Variants in TREML1 observed in about 807,000 individuals in gnomAD.
The protein encoded by TREML1 is triggering receptor expressed on myeloid cells like 1, also known as trem-like transcript 1 protein.
In TREML1, 27 loss-of-function variants were observed where a neutral mutation model predicts 22.8. The ratio of observed to expected loss-of-function variants is 1.19; its 90% CI spans 0.87 to 1.64. TREML1 has a LOEUF of 1.64. Among genes scored for constraint, TREML1 ranks in the 40% most tolerant of loss-of-function variants. TREML1 has a pLI of 0.00. For missense variants in TREML1, 356 were observed against 382.0 expected, an observed-to-expected ratio of 0.93 and a Z score of 0.57; for synonymous variants, 153 against 161.9, an observed-to-expected ratio of 0.94 and a Z score of 0.42.
chr6:41,151,296 G>A lies in TREML1; in HGVS notation c.465C>T (p.Ser155=), dbSNP rs1316547280. ...CCTGTCAGTACCTCTTCTCATCCTGGCTGGGTTCCAAAGGGTTGGCACTGC... is the reference window on the plus strand; with the variant it reads ...CCTGTCAGTACCTCTTCTCATCCTGACTGGGTTCCAAAGGGTTGGCACTGC... The part of the protein sequence containing the change: ...PAGSANPLEP[S]QDEKSIPLIW... The change falls in exon 3 of 6, where the codon AGC becomes AGT. Residue 155 remains serine (S), a synonymous_variant. Transcript: ENST00000426005. The A allele has an allele frequency of 1.2e-6, 2 of 1,614,102 alleles. No homozygotes were observed. The highest frequency in any genetic ancestry group is 1.1e-5 in the South Asian group (1 of 91,082).
upstream of TREML1, among the ~76,000 whole-genome samples, chr6:41,155,312 G>A (rs1205601161): frequency 1.3e-5 from 2 of 150,820 alleles, no homozygotes; most frequent in East Asian, 2.0e-4. Flanking sequence ...TGAGTGCAAC[G>A]TCCAGAGATT....
chr6:41,153,582 A>C (rs1054339207), intron 2 of TREML1, among the ~76,000 whole-genome samples, 176 bp downstream of exon 2: 2 of 152,036 alleles, frequency 1.3e-5, no homozygotes, highest in African/African-American at 4.8e-5. Context: ...CAGCTGATTT[A>C]TCTCAGACTT....
upstream of TREML1, among the ~76,000 whole-genome samples, chr6:41,155,310 A>G (rs1299407933): frequency 6.6e-6 from 1 of 151,322 alleles, no homozygotes; most frequent in African/African-American, 2.4e-5. Context: ...CTTGAGTGCA[A>G]CGTCCAGAGA....
chr6:41,149,523 G>T lies in TREML1; in HGVS notation c.*81C>A, dbSNP rs899692473. On this transcript the variant is annotated 3_prime_UTR_variant, in exon 6 of 6. Coordinates refer to ENST00000426005, the MANE Select transcript of TREML1 (RefSeq NM_178174.4). ...TCCCTGGTTGCTCAGATATCCTAAGGATCCTAGGGCATGAGCTGGCTGGAT... is the reference window on the plus strand; with the variant it reads ...TCCCTGGTTGCTCAGATATCCTAAGTATCCTAGGGCATGAGCTGGCTGGAT... The T allele has an allele frequency of 1.3e-5, 19 of 1,444,922 alleles. No individual in the cohort carries two copies. Among genetic ancestry groups the T allele is most frequent in the Non-Finnish European group, 1.7e-5 (18 of 1,062,840 alleles). 89.5% of individuals were successfully genotyped at this position (1,444,922 alleles called of 1,614,324 possible).
chr6:41,154,034 T>G lies in TREML1; in HGVS notation c.100A>C (p.Ile34Leu). The change falls in exon 2 of 6, where the codon ATT becomes CTT. Residue 34 changes from isoleucine (I) to leucine (L), a missense_variant. By Grantham distance (5) the Ile-to-Leu change is conservative. Transcript: ENST00000426005. The stretch of plus-strand genomic sequence containing the variant: ...AGCCTGTAGTGGCACTGCACCAGAA[T>G]GGAGCTTCCCACGGGTGCCTGCAGC... The part of the protein sequence containing the change: ...EVLQAPVGSS[I>L]LVQCHYRLQD... 6.2e-7 allele frequency: 1 copy of G among 1,614,118 alleles called. No homozygotes were observed. Among genetic ancestry groups the G allele is most frequent in the Non-Finnish European group, 8.5e-7 (1 of 1,180,038 alleles).
At chr6:41,151,041 G>T in intron 3 of TREML1, 134 bp from the exon 4 acceptor site, 1 of 790,880 alleles carries the variant, frequency 1.3e-6, no homozygotes, top group Non-Finnish European at 2.1e-6. Flanking sequence ...GAGGGGAGCT[G>T]ACTGAGGTAG....
upstream of TREML1, chr6:41,154,388 G>T: frequency 9.6e-7 from 1 of 1,038,410 alleles, no homozygotes; most frequent in Non-Finnish European, 1.5e-6. Context: ...ACTTGGGGTG[G>T]GAGAAAGGAA....
chr6:41,153,993 A>T lies in TREML1; in HGVS notation c.141T>A (p.Ala47=). ...QCHYRLQDVK[A]QKVWCRFLPE... ...GCAAGAACCGGCACCACACCTTCTG[A>T]GCTTTGACATCCTGGAGCCTGTAGT... is the stretch of plus-strand genomic sequence containing the variant. Residue 47 remains alanine (A), a synonymous_variant, in exon 2 of 6, where the codon GCT becomes GCA. Coordinates refer to ENST00000426005, the MANE Select transcript of TREML1 (RefSeq NM_178174.4). 1 of 1,614,108 alleles carries T rather than the reference A, an allele frequency of 6.2e-7. No individual in the cohort carries two copies. The highest frequency in any genetic ancestry group is 8.5e-7 in the Non-Finnish European group (1 of 1,180,030).
Position 41,150,372 on chromosome 6 carries a change from C to T in TREML1, c.569-59G>A. ...TCCGGGGCTGGCTCAGAGCCCTTCC[C>T]TCACTCCCTTCCTTCAGAAGCCTCT... On this transcript the variant is annotated intron_variant, in intron 4 of 5. Coordinates refer to ENST00000426005, the MANE Select transcript of TREML1 (RefSeq NM_178174.4). 2.6e-6 allele frequency: 4 copies of T among 1,550,776 alleles called. No homozygotes were observed. The South Asian group carries it at 3.4e-5, about 13-fold the overall frequency.
rs955870128 is a variant in TREML1, at chr6:41,154,118, T to G, written c.44-28A>C. On this transcript the variant is annotated intron_variant, in intron 1 of 5. Transcript: ENST00000426005. ...GGGGAAGGAAAGGAGGTGGGAATTT[T>G]GGGCAGGAGCTGGGAGCATCTCCCA... The G allele has an allele frequency of 3.1e-6, 5 of 1,601,304 alleles. No homozygotes were observed. In the African/African-American group the frequency reaches 4.0e-5, roughly 13 times the overall value.
In TREML1 at chr6:41,151,426, G is replaced by A. The variant is rs1430084127; in HGVS notation, c.377-42C>T. 2.6e-6 allele frequency: 4 copies of A among 1,564,504 alleles called. No individual in the cohort carries two copies. The Admixed American group carries it at 6.7e-5, about 26-fold the overall frequency. On this transcript the variant is annotated intron_variant, in intron 2 of 5. Coordinates refer to ENST00000426005, the MANE Select transcript of TREML1 (RefSeq NM_178174.4). The stretch of plus-strand genomic sequence containing the variant: ...GGAGTCAGAAGGAAACATTTAATGA[G>A]TGCATGCCCATATGGGCAGGCTTCA...
chr6:41,154,771 G>A (rs560648788), upstream of TREML1, among the ~76,000 whole-genome samples: 2 of 152,174 alleles, frequency 1.3e-5, no homozygotes, highest in Non-Finnish European at 2.9e-5. Context: ...CCTCAAACAG[G>A]AAGTTTCACC....
Position 41,151,367 on chromosome 6 carries a change from G to A in TREML1, c.394C>T (p.His132Tyr). The A allele has an allele frequency of 6.2e-7, 1 of 1,614,112 alleles. No homozygotes were observed. The highest frequency in any genetic ancestry group is 8.5e-7 in the Non-Finnish European group (1 of 1,180,024). Residue 132 changes from histidine to tyrosine, a missense_variant, in exon 3 of 6, where the codon CAT becomes TAT. By Grantham distance (83) the His-to-Tyr change is moderately conservative. Coordinates refer to ENST00000426005, the MANE Select transcript of TREML1 (RefSeq NM_178174.4). ...TTCTCAGCCAGACTGCCAATCTTAT[G>A]GGTCTCTTCTTCTTCCTCTGTCAGG... ...ILPPEEEEET[H>Y]KIGSLAENAF...
At chr6:41,153,391 A>G (rs1437373517) in intron 2 of TREML1, among the ~76,000 whole-genome samples, 1 of 151,446 alleles carries the variant, frequency 6.6e-6, no homozygotes, top group Non-Finnish European at 1.5e-5. Context: ...GGAAGCTACA[A>G]AAATTAATTC....
chr6:41,150,790 C>G (rs996397236), intron 4 of TREML1, 29 bp downstream of exon 4: 5 of 1,600,988 alleles, frequency 3.1e-6, no homozygotes, highest in Non-Finnish European at 3.4e-6. Flanking sequence ...ATGGTAGGGC[C>G]AGGCTGAGAT....
Position 41,149,741 on chromosome 6 carries a change from G to C in TREML1, c.799C>G (p.Pro267Ala). ...CAGACCAGGACCTTAGGAGGTAGAG[G>C]GGGCAATGAGGATGGAGCTGGGAGT... ...PSLPAPSSLP[P>A]LPPKVLVCSK... Residue 267 changes from proline (P) to alanine (A), a missense_variant, in exon 6 of 6, where the codon CCT becomes GCT. Physicochemically the swap from Pro to Ala is conservative, Grantham distance 27 (BLOSUM62 -1). Coordinates refer to ENST00000426005, the MANE Select transcript of TREML1 (RefSeq NM_178174.4). 2 of 1,614,188 alleles carry C rather than the reference G, an allele frequency of 1.2e-6. No homozygotes were observed. The highest frequency in any genetic ancestry group is 1.7e-6 in the Non-Finnish European group (2 of 1,180,038).
intron 5 of TREML1, 97 bp downstream of exon 5, chr6:41,150,164 C>T: frequency 7.2e-7 from 1 of 1,381,776 alleles, no homozygotes; most frequent in Non-Finnish European, 1.0e-6. Context: ...AACTAGGTCC[C>T]AGTCCTTTCT....
intron 2 of TREML1, among the ~76,000 whole-genome samples, chr6:41,153,532 G>A (rs962952745): frequency 1.3e-5 from 2 of 152,048 alleles, no homozygotes; most frequent in Non-Finnish European, 2.9e-5. Context: ...CCTTCCTGTG[G>A]GGAAGCGCAG....
At chr6:41,153,650 T>C in intron 2 of TREML1, 108 bp downstream of exon 2, 1 of 1,079,852 alleles carries the variant, frequency 9.3e-7, no homozygotes. Context: ...CTCCTTGGAA[T>C]GCCTCCTCCC....
Sources: allele counts gnomAD v4.1 joint callset (sites outside exome capture counted in the v4.1 genomes callset), GRCh38; gene constraint gnomAD v4.1.1; transcripts MANE v1.5; gene names NCBI Gene and HGNC (gene_info 2026-07-23, HGNC 2026-07-21).